Variants in CNTNAP5 observed in about 807,000 individuals in gnomAD.
CNTNAP5 encodes contactin associated protein family member 5.
CNTNAP5 carries 72 observed loss-of-function variants against 150.2 expected under a neutral mutation model. The observed-to-expected ratio is 0.48, with a 90% confidence interval of 0.40 to 0.58. CNTNAP5 has a LOEUF of 0.58. Among genes scored for constraint, CNTNAP5 ranks in the 20% least tolerant of loss-of-function variants. The pLI is 0.00. For missense variants in CNTNAP5, 1,636 were observed against 1,626.2 expected (o/e 1.01, Z -0.10); for synonymous variants, 672 against 619.8 (o/e 1.08, Z -1.25).
chr2:124,707,131 A>AGAAGAG (rs1679694939), intron 13 of CNTNAP5, among the ~76,000 whole-genome samples: 2 of 103,732 alleles, frequency 1.9e-5, no homozygotes, highest in Middle Eastern at 5.4e-3. Flanking sequence ...AGAAAGAAGA[A>AGAAGAG]GAAGAAGAGG....
intron 16 of CNTNAP5, among the ~76,000 whole-genome samples, chr2:124,764,399 C>T (rs1681025101): frequency 6.6e-6 from 1 of 152,182 alleles, no homozygotes; most frequent in African/African-American, 2.4e-5. Flanking sequence ...ATTACAGTTT[C>T]CAAAGGTATT....
chr2:124,874,237 G>T (rs887564411), intron 21 of CNTNAP5, among the ~76,000 whole-genome samples: 3 of 152,010 alleles, frequency 2.0e-5, no homozygotes, highest in African/African-American at 7.2e-5. Context: ...ACTTGGTTCT[G>T]GCCTATTGCA....
intron 11 of CNTNAP5, among the ~76,000 whole-genome samples, chr2:124,588,219 T>C (rs1225485465): frequency 6.8e-6 from 1 of 147,032 alleles, no homozygotes; most frequent in African/African-American, 2.5e-5. Flanking sequence ...TTTCTTTCTT[T>C]CTTTCTTTCT....
At position 124,910,643 on chromosome 2, in the gene CNTNAP5, T is replaced by A. The variant is rs1235644985; in HGVS notation, c.3656-824T>A. 5.3e-5 allele frequency among the ~76,000 whole-genome samples: 8 copies of A among 152,110 alleles called. No individual in the cohort carries two copies. The East Asian group carries it at 1.6e-3, about 30-fold the overall frequency. ...TGAATTTTGCCTCTTTCATGAATGA[T>A]CTGTAGGACTTGGACATGTTATTTG... On this transcript the variant is annotated intron_variant, in intron 22 of 23. Coordinates refer to ENST00000682447, the MANE Select transcript of CNTNAP5 (RefSeq NM_001367498.1).
intron 9 of CNTNAP5, among the ~76,000 whole-genome samples, chr2:124,524,781 T>C (rs1158035723): frequency 6.6e-6 from 1 of 152,204 alleles, no homozygotes; most frequent in Non-Finnish European, 1.5e-5. Context: ...GAAACTCAGC[T>C]GAAAACTTGG....
At chr2:124,422,071 GAC>G (rs1340888966) in intron 4 of CNTNAP5, among the ~76,000 whole-genome samples, 2 of 152,206 alleles carry the variant, frequency 1.3e-5, no homozygotes, top group African/African-American at 4.8e-5. Context: ...GGCACAAAAA[GAC>G]AGTCAGTAAG....
chr2:124,437,783 G>A (rs774228035), intron 5 of CNTNAP5, among the ~76,000 whole-genome samples: 3 of 152,104 alleles, frequency 2.0e-5, no homozygotes, highest in Non-Finnish European at 4.4e-5. Context: ...CAGGAGAGGT[G>A]AGAGAGACAG....
chr2:124,836,828 A>T (rs1041665334), intron 19 of CNTNAP5, among the ~76,000 whole-genome samples: 6 of 152,166 alleles, frequency 3.9e-5, no homozygotes, highest in African/African-American at 1.4e-4. Flanking sequence ...GTGATTAATT[A>T]TACACATACC....
chr2:124,409,686 T>A (rs1237929786), intron 3 of CNTNAP5, among the ~76,000 whole-genome samples: 2 of 141,710 alleles, frequency 1.4e-5, no homozygotes, highest in East Asian at 4.2e-4. Context: ...CTGAGAGATT[T>A]TGTCACCACC....
At chr2:124,310,683 C>A (rs773339358) in intron 3 of CNTNAP5, among the ~76,000 whole-genome samples, 1 of 151,836 alleles carries the variant, frequency 6.6e-6, no homozygotes, top group Non-Finnish European at 1.5e-5. Context: ...TCAAAGGCCC[C>A]GTGGGATTTA....
At chr2:124,851,488 A>G (rs2104703697) in intron 19 of CNTNAP5, among the ~76,000 whole-genome samples, 1 of 152,366 alleles carries the variant, frequency 6.6e-6, no homozygotes, top group African/African-American at 2.4e-5. Flanking sequence ...TGTCTTTACA[A>G]GGTGATAACG....
intron 7 of CNTNAP5, among the ~76,000 whole-genome samples, chr2:124,481,098 C>A (rs1693753998): frequency 6.6e-6 from 1 of 152,172 alleles, no homozygotes; most frequent in African/African-American, 2.4e-5. Flanking sequence ...GATCAGAGTG[C>A]CAGGACGATC....
chr2:124,097,188 T>C (rs2104692297), intron 1 of CNTNAP5, among the ~76,000 whole-genome samples: 2 of 152,244 alleles, frequency 1.3e-5, no homozygotes, highest in Middle Eastern at 6.8e-3. Context: ...TTTTAAGCAT[T>C]TTTATTTTTC....
Position 124,673,211 on chromosome 2 carries a change from G to A in CNTNAP5, c.2077+25253G>A, listed in dbSNP as rs1448140411. On this transcript the variant is annotated intron_variant, in intron 13 of 23. Coordinates refer to ENST00000682447, the MANE Select transcript of CNTNAP5 (RefSeq NM_001367498.1). ...CAATAACAGTTCTGTCTTAAGAGTC[G>A]AGTACACAATCTTAAAACACTACAT... Among the ~76,000 whole-genome samples, 3 of 150,684 alleles carry A rather than the reference G, an allele frequency of 2.0e-5. No individual in the cohort carries two copies. In the East Asian group the frequency reaches 5.8e-4, roughly 29 times the overall value.
rs536255581 is a variant in CNTNAP5 at position 124,708,029 on chromosome 2, C to A, written c.2078-39200C>A. Among the ~76,000 whole-genome samples the A allele has an allele frequency of 1.9e-4, 29 of 152,322 alleles. No homozygotes were observed. In the East Asian group the frequency reaches 3.1e-3, roughly 16 times the overall value. On this transcript the variant is annotated intron_variant, in intron 13 of 23. Transcript: ENST00000682447. The stretch of plus-strand genomic sequence containing the variant: ...TATGTCAAGTAACTAGTTGGACCTA[C>A]ATGATGGTGTTTTGTTCACTGTTGC...
chr2:124,577,228 C>A (rs1180051882), intron 11 of CNTNAP5, among the ~76,000 whole-genome samples: 1 of 152,130 alleles, frequency 6.6e-6, no homozygotes, highest in Non-Finnish European at 1.5e-5. Flanking sequence ...CACTGGTGGG[C>A]TCCATAGCTC....
intron 4 of CNTNAP5, among the ~76,000 whole-genome samples, chr2:124,423,525 T>G (rs901874578): frequency 2.0e-5 from 3 of 152,026 alleles, no homozygotes; most frequent in Admixed American, 2.0e-4. Flanking sequence ...TATTTATTTA[T>G]TTTTTGTATT....
chr2:124,861,948 G>A (rs1027479425), intron 19 of CNTNAP5, among the ~76,000 whole-genome samples: 2 of 152,120 alleles, frequency 1.3e-5, no homozygotes, highest in African/African-American at 4.8e-5. Context: ...TGAGTAGCTG[G>A]GATTACAGGC....
chr2:124,057,110 GGA>G (rs1558740233), intron 1 of CNTNAP5, among the ~76,000 whole-genome samples: 1 of 151,874 alleles, frequency 6.6e-6, no homozygotes, highest in East Asian at 1.9e-4. Context: ...ATCACAATTG[GGA>G]AGGACCCAGG....
Sources: gnomAD v4.1 joint callset for allele counts (sites outside exome capture counted in the v4.1 genomes callset) on GRCh38, gnomAD v4.1.1 for gene constraint, MANE v1.5 for transcripts, NCBI Gene and HGNC (gene_info 2026-07-23, HGNC 2026-07-21) for gene names.